The following FAM135B variants were observed in gnomAD, a reference collection of about 807,000 sequenced individuals.
FAM135B encodes protein FAM135B.
FAM135B carries 43 observed loss-of-function variants against 127.7 expected under a neutral mutation model. The ratio of observed to expected loss-of-function variants is 0.34; its 90% CI spans 0.26 to 0.43. The LOEUF is 0.43. Ranked by LOEUF, FAM135B falls within the 20% of genes least tolerant of loss-of-function variation. The pLI is 1.00. For synonymous variants in FAM135B, 670 were observed against 665.1 expected (o/e 1.01, Z -0.11); for missense variants, 1,558 against 1,725.6 (o/e 0.90, Z 1.72).
At chr8:138,334,233 C>T (rs1466844082) in intron 2 of FAM135B, among the ~76,000 whole-genome samples, 1 of 152,134 alleles carries the variant, frequency 6.6e-6, no homozygotes. Flanking sequence ...CCATCTCTCT[C>T]TTATTGACCC....
chr8:138,473,805 A>AT (rs1411385658), intron 1 of FAM135B, among the ~76,000 whole-genome samples: 1 of 151,582 alleles, frequency 6.6e-6, no homozygotes, highest in Admixed American at 6.6e-5. Flanking sequence ...GTCATGTTAA[A>AT]TTTTTTATCC....
At position 138,151,659 on chromosome 8, in the gene FAM135B, C is replaced by G. The variant is rs759488457; in HGVS notation, c.2816G>C (p.Cys939Ser). ...GTTGATGGCATCAGCAGCTGACGTA[C>G]AGCTCAATTCAGGCACCTGATGTTG... ...LSQHQVPELS[C>S]TSAADAINRN... Residue 939 changes from cysteine to serine, a missense_variant, in exon 13 of 20, where the codon TGT becomes TCT. Coordinates refer to ENST00000395297, the MANE Select transcript of FAM135B (RefSeq NM_015912.4). 6.2e-7 allele frequency: 1 copy of G among 1,614,070 alleles called. No individual in the cohort carries two copies. The highest frequency in any genetic ancestry group is 2.2e-5 in the East Asian group (1 of 44,882).
intron 9 of FAM135B, among the ~76,000 whole-genome samples, chr8:138,182,828 G>A (rs748491125): frequency 2.6e-5 from 4 of 152,200 alleles, no homozygotes; most frequent in Non-Finnish European, 4.4e-5. Flanking sequence ...TCACTAGGAG[G>A]CTATAAGTCC....
Position 138,177,287 on chromosome 8 carries a change from G to C in FAM135B, c.1103+60C>G, listed in dbSNP as rs757739560. The C allele has an allele frequency of 9.3e-6, 14 of 1,500,482 alleles. 1 individual carries two copies. In the South Asian group the frequency reaches 1.6e-4, roughly 17 times the overall value. The allele number at this position is 1,500,482 out of a possible 1,614,324, so 92.9% of individuals were successfully genotyped here. A position where few individuals can be genotyped will look rare whatever the true frequency, so the allele number is the denominator to read the frequency against. ...CAGTGAGAAAGTGAAGAGTAACTTT[G>C]AACAGCATGTCTTGGGTGGCTGCTT... is the stretch of plus-strand genomic sequence containing the variant. On this transcript the variant is annotated intron_variant, in intron 11 of 19. Coordinates refer to ENST00000395297, the MANE Select transcript of FAM135B (RefSeq NM_015912.4).
intron 1 of FAM135B, among the ~76,000 whole-genome samples, chr8:138,452,412 C>T (rs1024590908): frequency 2.0e-5 from 3 of 151,980 alleles, no homozygotes; most frequent in Non-Finnish European, 2.9e-5. Flanking sequence ...TGAGCCACCT[C>T]GCCTGGCCCC....
At chr8:138,213,373 T>C (rs1311987318) in intron 7 of FAM135B, among the ~76,000 whole-genome samples, 1 of 152,212 alleles carries the variant, frequency 6.6e-6, no homozygotes, top group Non-Finnish European at 1.5e-5. Context: ...ATTAATATCG[T>C]TATAATGCCA....
chr8:138,141,451 CT>C lies in FAM135B; in HGVS notation c.3639-103del. 8.4e-7 allele frequency: 1 copy of C among 1,194,478 alleles called. No individual in the cohort carries two copies. 74.0% of individuals were successfully genotyped at this position (1,194,478 alleles called of 1,614,324 possible). A position where few individuals can be genotyped will look rare whatever the true frequency, so the allele number is the denominator to read the frequency against. Reference sequence around the variant, plus strand: ...AGGGGCCATTGTTCTCCACCTCCCACTGAATGTAGGGGAACTGGCAAAGAGA... The same window carrying C: ...AGGGGCCATTGTTCTCCACCTCCCACGAATGTAGGGGAACTGGCAAAGAGA... On this transcript the variant is annotated intron_variant, in intron 16 of 19. Transcript: ENST00000395297. The surrounding 1 kb of genome is among the most constrained non-coding windows in gnomAD (Gnocchi z 4.7).
At chr8:138,448,075 C>A (rs1302874237) in intron 1 of FAM135B, among the ~76,000 whole-genome samples, 1 of 147,846 alleles carries the variant, frequency 6.8e-6, no homozygotes, top group South Asian at 2.1e-4. Context: ...GCAGAGAAGT[C>A]ATATGGCACA....
Position 138,251,001 on chromosome 8 carries a change from C to A in FAM135B, c.382G>T (p.Ala128Ser), listed in dbSNP as rs2130489593. The change falls in exon 6 of 20, where the codon GCT becomes TCT. Residue 128 changes from alanine to serine, a missense_variant. Physicochemically the swap from Ala to Ser is moderately conservative, Grantham distance 99. This residue lies in a region of FAM135B where 199 missense variants were observed against 245.7 expected (regional missense o/e 0.81). Transcript: ENST00000395297. ...CGGCTGCTGACCATCGGTGCCCCAG[C>A]CACATCCCTCAACCTAGAAGGCAAG... is the stretch of plus-strand genomic sequence containing the variant. ...TDSEQQLRDV[A>S]GAPMVSSRTL... 6.2e-7 allele frequency: 1 copy of A among 1,613,974 alleles called. No individual in the cohort carries two copies. Among genetic ancestry groups the A allele is most frequent in the Non-Finnish European group, 8.5e-7 (1 of 1,179,986 alleles).
intron 3 of FAM135B, among the ~76,000 whole-genome samples, chr8:138,281,851 C>T (rs1824292720): frequency 6.6e-6 from 1 of 152,222 alleles, no homozygotes; most frequent in Non-Finnish European, 1.5e-5. Context: ...CACTCTGTTG[C>T]TCAGGCTGGA....
intron 12 of FAM135B, among the ~76,000 whole-genome samples, chr8:138,155,000 C>A (rs1157338337): frequency 6.6e-6 from 1 of 152,148 alleles, no homozygotes; most frequent in Non-Finnish European, 1.5e-5. Flanking sequence ...TTATCAGATT[C>A]ACCAAAGTTG....
chr8:138,153,331 T>C lies in FAM135B; in HGVS notation c.1259-115A>G, dbSNP rs1316205617. 4.9e-6 allele frequency: 4 copies of C among 811,596 alleles called. No individual in the cohort carries two copies. The African/African-American group carries it at 7.0e-5, about 14-fold the overall frequency. The allele number at this position is 811,596 out of a possible 1,614,324, so 50.3% of individuals were successfully genotyped here. On this transcript the variant is annotated intron_variant, in intron 12 of 19. Coordinates refer to ENST00000395297, the MANE Select transcript of FAM135B (RefSeq NM_015912.4). Reference sequence around the variant, plus strand: ...TAGCTATGTGGACTCGGTTCGAAGATGGGAGAATAGGAAGAGCTCCAGTCT... The same window carrying C: ...TAGCTATGTGGACTCGGTTCGAAGACGGGAGAATAGGAAGAGCTCCAGTCT...
intron 1 of FAM135B, among the ~76,000 whole-genome samples, chr8:138,496,070 G>A (rs532470848): frequency 1.3e-4 from 20 of 152,184 alleles, no homozygotes; most frequent in African/African-American, 4.8e-4. Context: ...AATAGTCAAC[G>A]GCAATAACAT....
At chr8:138,405,639 A>G (rs199903250) in intron 1 of FAM135B, among the ~76,000 whole-genome samples, 1 of 151,980 alleles carries the variant, frequency 6.6e-6, no homozygotes, top group Non-Finnish European at 1.5e-5. Context: ...TTGGTTCCAA[A>G]TCTTTGCTAT....
chr8:138,248,792 C>T (rs1352572051), intron 6 of FAM135B, among the ~76,000 whole-genome samples: 2 of 141,838 alleles, frequency 1.4e-5, no homozygotes, highest in Admixed American at 1.5e-4. Flanking sequence ...TGCACTCTAG[C>T]CTGGGTGACA....
At chr8:138,140,883 G>C (rs934105012) in intron 17 of FAM135B, among the ~76,000 whole-genome samples, 2 of 152,144 alleles carry the variant, frequency 1.3e-5, no homozygotes, top group African/African-American at 4.8e-5. Flanking sequence ...CATGCAGGTG[G>C]CCTGATTCAG....
intron 3 of FAM135B, among the ~76,000 whole-genome samples, chr8:138,310,381 G>A (rs533286170): frequency 5.3e-5 from 8 of 152,272 alleles, no homozygotes; most frequent in Admixed American, 2.0e-4. Flanking sequence ...CAGGATCTGA[G>A]TTGTCCTTGG....
intron 2 of FAM135B, among the ~76,000 whole-genome samples, chr8:138,357,677 AC>A (rs1272356472): frequency 3.9e-5 from 6 of 152,108 alleles, no homozygotes; most frequent in African/African-American, 1.4e-4. Context: ...GGAAAAAAAA[AC>A]AAGAGCAGTG....
At chr8:138,275,771 A>G (rs1297841356) in intron 3 of FAM135B, among the ~76,000 whole-genome samples, 2 of 152,202 alleles carry the variant, frequency 1.3e-5, no homozygotes, top group Admixed American at 6.5e-5. Context: ...AATGAAATCT[A>G]AAGTCTTTAC....
Sources: gnomAD v4.1 joint callset for allele counts (sites outside exome capture counted in the v4.1 genomes callset) on GRCh38, gnomAD v4.1.1 for gene constraint, gnomAD v4.1.1 regional missense constraint, Gnocchi (gnomAD v3.1) non-coding constraint, MANE v1.5 for transcripts, NCBI Gene and HGNC (gene_info 2026-07-23, HGNC 2026-07-21) for gene names.